Variants in WWC1 observed in about 807,000 individuals in gnomAD.
WWC1 encodes WW and C2 domain containing 1, also known as protein KIBRA.
A neutral mutation model predicts 138.4 loss-of-function variants in WWC1; 55 were observed. The observed-to-expected ratio is 0.40, with a 90% confidence interval of 0.32 to 0.50. The LOEUF (loss-of-function observed/expected upper bound fraction) is 0.50. Among genes scored for constraint, WWC1 ranks in the 20% least tolerant of loss-of-function variants. WWC1 has a pLI of 0.72. For missense variants in WWC1, 1,226 were observed against 1,420.4 expected (o/e 0.86, Z 2.20); for synonymous variants, 524 against 564.9 (o/e 0.93, Z 1.03).
At chr5:168,356,013 G>A (rs1775382939) in intron 1 of WWC1, among the ~76,000 whole-genome samples, 1 of 152,130 alleles carries the variant, frequency 6.6e-6, no homozygotes, top group African/African-American at 2.4e-5. Flanking sequence ...TGATTTAGGG[G>A]CTTCTGGAAA....
At chr5:168,317,279 A>T (rs148845968) in intron 1 of WWC1, among the ~76,000 whole-genome samples, 48 of 152,282 alleles carry the variant, frequency 3.2e-4, no homozygotes, top group African/African-American at 1.2e-3. Flanking sequence ...ACCCTCCTTG[A>T]GTTCTCTGAC....
At chr5:168,357,725 A>G (rs1334823910) in intron 1 of WWC1, among the ~76,000 whole-genome samples, 1 of 152,170 alleles carries the variant, frequency 6.6e-6, no homozygotes, top group Non-Finnish European at 1.5e-5. Context: ...AGCCGCCTTC[A>G]GCTCAGAACA....
intron 1 of WWC1, among the ~76,000 whole-genome samples, chr5:168,312,335 T>C (rs547471259): frequency 5.8e-4 from 89 of 152,304 alleles, no homozygotes; most frequent in African/African-American, 2.0e-3. Flanking sequence ...GGTACTAATA[T>C]TGTCGTTATT....
At chr5:168,295,457 A>G (rs1769453866) in intron 1 of WWC1, among the ~76,000 whole-genome samples, 1 of 150,622 alleles carries the variant, frequency 6.6e-6, no homozygotes, top group Admixed American at 6.6e-5. Flanking sequence ...CTGTGAGACA[A>G]AAAATTGCAC....
At chr5:168,335,555 G>T (rs1561623624) in intron 1 of WWC1, among the ~76,000 whole-genome samples, 1 of 152,224 alleles carries the variant, frequency 6.6e-6, no homozygotes, top group Non-Finnish European at 1.5e-5. Flanking sequence ...TGTACTTGAA[G>T]AATTATTATG....
intron 19 of WWC1, among the ~76,000 whole-genome samples, chr5:168,456,528 G>A (rs760708980): frequency 6.6e-6 from 1 of 152,074 alleles, no homozygotes; most frequent in Non-Finnish European, 1.5e-5. Context: ...CTACTTGGGA[G>A]GCTGAGGCAG....
Position 168,468,947 on chromosome 5 carries a change from A to T in WWC1, c.3276-4A>T, listed in dbSNP as rs1353457953. On this transcript the variant is annotated splice_polypyrimidine_tract_variant and splice_region_variant and intron_variant, in intron 22 of 22. Coordinates refer to ENST00000265293, the MANE Select transcript of WWC1 (RefSeq NM_015238.3). ...CTGCTCTAAAGGGATGGCCTCTCTTATAGGGAGAAGATGGCATTTTTCACC... is the reference window on the plus strand; with the variant it reads ...CTGCTCTAAAGGGATGGCCTCTCTTTTAGGGAGAAGATGGCATTTTTCACC... The T allele has an allele frequency of 2.5e-6, 4 of 1,614,086 alleles. No homozygotes were observed. In the African/African-American group the frequency reaches 5.3e-5, roughly 22 times the overall value.
chr5:168,388,441 G>A (rs1197777915), intron 3 of WWC1, among the ~76,000 whole-genome samples: 1 of 152,020 alleles, frequency 6.6e-6, no homozygotes, highest in Non-Finnish European at 1.5e-5. Flanking sequence ...GAATATGTAG[G>A]AGAATGTCTA....
intron 5 of WWC1, among the ~76,000 whole-genome samples, chr5:168,404,181 A>C (rs1779607617): frequency 6.6e-6 from 1 of 152,100 alleles, no homozygotes; most frequent in Admixed American, 6.5e-5. Flanking sequence ...ACAGCTGGGC[A>C]CAGCCCCCTC....
Position 168,378,497 on chromosome 5 carries a change from T to C in WWC1, c.230-6714T>C, listed in dbSNP as rs1326752429. 2.0e-5 allele frequency among the ~76,000 whole-genome samples: 3 copies of C among 152,340 alleles called. No individual in the cohort carries two copies. The Middle Eastern group carries it at 0.01, about 518-fold the overall frequency. On this transcript the variant is annotated intron_variant, in intron 2 of 22. Coordinates refer to ENST00000265293, the MANE Select transcript of WWC1 (RefSeq NM_015238.3). The stretch of plus-strand genomic sequence containing the variant: ...ATGCTTCCTATTGCCAACCTTTTGG[T>C]TTATTTTCATTTATTATTTTAAATA...
intron 1 of WWC1, among the ~76,000 whole-genome samples, chr5:168,362,769 G>A (rs556643102): frequency 2.5e-3 from 382 of 152,324 alleles, no homozygotes; most frequent in Non-Finnish European, 4.5e-3. Context: ...GAAGGAAGGG[G>A]ATGGACCCAA....
intron 1 of WWC1, among the ~76,000 whole-genome samples, chr5:168,296,445 G>A (rs182383673): frequency 6.6e-6 from 1 of 152,242 alleles, no homozygotes; most frequent in Non-Finnish European, 1.5e-5. Flanking sequence ...CCTCTGTCAG[G>A]TCACAGACCC....
intron 2 of WWC1, among the ~76,000 whole-genome samples, chr5:168,377,020 A>G (rs1054285540): frequency 6.6e-6 from 1 of 152,184 alleles, no homozygotes; most frequent in African/African-American, 2.4e-5. Context: ...ATATTATCCA[A>G]CTTCAAACTA....
intron 20 of WWC1, among the ~76,000 whole-genome samples, chr5:168,461,445 G>T (rs1027746165): frequency 1.3e-5 from 2 of 152,242 alleles, no homozygotes; most frequent in Non-Finnish European, 2.9e-5. Flanking sequence ...CCAGGTTCTG[G>T]TGACAGAGAA....
At chr5:168,427,685 C>T (rs3733984) in intron 11 of WWC1, among the ~76,000 whole-genome samples, 1 of 149,362 alleles carries the variant, frequency 6.7e-6, no homozygotes, top group Non-Finnish European at 1.5e-5. Context: ...GGATTACAGT[C>T]GCTGACGCCT....
chr5:168,407,330 A>G (rs77651021), intron 6 of WWC1, among the ~76,000 whole-genome samples: 229 of 152,258 alleles, frequency 1.5e-3, no homozygotes, highest in African/African-American at 5.2e-3. Context: ...CAGAAAAAAG[A>G]CTGTACAACT....
At chr5:168,293,810 T>C (rs139629316) in intron 1 of WWC1, among the ~76,000 whole-genome samples, 1 of 152,164 alleles carries the variant, frequency 6.6e-6, no homozygotes, top group Non-Finnish European at 1.5e-5. Context: ...GAGGTGTGAT[T>C]TGCTCAAGTA....
intron 1 of WWC1, among the ~76,000 whole-genome samples, chr5:168,336,287 C>G (rs1773442874): frequency 6.6e-6 from 1 of 151,926 alleles, no homozygotes; most frequent in Non-Finnish European, 1.5e-5. Context: ...AAAACAATAC[C>G]CGGCCAGCCA....
intron 1 of WWC1, among the ~76,000 whole-genome samples, chr5:168,361,907 C>T (rs778671376): frequency 1.3e-5 from 2 of 152,030 alleles, no homozygotes; most frequent in Non-Finnish European, 2.9e-5. Flanking sequence ...CATGGTGAAA[C>T]CCCATCTCTA....
Sources: gnomAD v4.1 joint callset for allele counts (sites outside exome capture counted in the v4.1 genomes callset) on GRCh38, gnomAD v4.1.1 for gene constraint, MANE v1.5 for transcripts, NCBI Gene and HGNC (gene_info 2026-07-23, HGNC 2026-07-21) for gene names.